The following OPCML variants were observed in gnomAD, a reference collection of about 807,000 sequenced individuals.
OPCML encodes the protein opioid-binding protein/cell adhesion molecule.
Under a neutral mutation model 37.8 loss-of-function variants are expected in OPCML, and 13 were observed. The ratio of observed to expected loss-of-function variants is 0.34; its 90% CI spans 0.22 to 0.55. OPCML has a LOEUF of 0.55. Ranked by LOEUF, OPCML falls within the 20% of genes least tolerant of loss-of-function variation. The pLI, the probability that OPCML is intolerant of heterozygous loss-of-function variation, is 0.91. For synonymous variants in OPCML, 176 were observed against 168.8 expected (o/e 1.04, Z -0.33); for missense variants, 341 against 435.6 (o/e 0.78, Z 1.93).
At chr11:133,331,101 G>A (rs538751048) in intron 1 of OPCML, among the ~76,000 whole-genome samples, 1 of 152,290 alleles carries the variant, frequency 6.6e-6, no homozygotes, top group Non-Finnish European at 1.5e-5. Flanking sequence ...AAGGGATTTG[G>A]TCACTCATGA....
chr11:133,282,304 C>A (rs190443317), intron 1 of OPCML, among the ~76,000 whole-genome samples: 18 of 152,332 alleles, frequency 1.2e-4, no homozygotes, highest in South Asian at 4.1e-4. Flanking sequence ...CTCCCCACAT[C>A]CTGGCTGCTC....
intron 2 of OPCML, among the ~76,000 whole-genome samples, chr11:132,758,988 T>A (rs187572481): frequency 4.0e-4 from 61 of 152,278 alleles, no homozygotes; most frequent in African/African-American, 1.5e-3. Flanking sequence ...AATACCTAGT[T>A]TATTGAGTGT....
chr11:133,410,157 A>C (rs1379089417), intron 1 of OPCML, among the ~76,000 whole-genome samples: 1 of 152,216 alleles, frequency 6.6e-6, no homozygotes, highest in Non-Finnish European at 1.5e-5. Flanking sequence ...ACACTGGAGC[A>C]CTGGTTATAT....
intron 1 of OPCML, among the ~76,000 whole-genome samples, chr11:133,202,519 C>A (rs955959597): frequency 2.6e-5 from 4 of 152,186 alleles, no homozygotes; most frequent in African/African-American, 9.7e-5. Context: ...CCCAGTAGAC[C>A]ACTCCACAGC....
intron 1 of OPCML, chr11:133,365,683 G>C (rs1481617754): frequency 6.6e-6 from 1 of 152,218 alleles, no homozygotes; most frequent in Non-Finnish European, 1.5e-5. Flanking sequence ...CATTAGTGTT[G>C]AGATATTCAA....
intron 3 of OPCML, among the ~76,000 whole-genome samples, chr11:132,578,964 C>G (rs2096456644): frequency 6.6e-6 from 1 of 151,970 alleles, no homozygotes; most frequent in Admixed American, 6.6e-5. Flanking sequence ...CTGCCCCTTT[C>G]CCGCTATATT....
intron 1 of OPCML, chr11:133,007,973 G>A (rs1466121133): frequency 2.0e-6 from 2 of 985,334 alleles, no homozygotes; most frequent in East Asian, 1.1e-4. Flanking sequence ...ATTCCATGAG[G>A]ACAGGCACAT....
intron 1 of OPCML, among the ~76,000 whole-genome samples, chr11:133,239,780 C>T (rs1373344286): frequency 6.6e-6 from 1 of 152,102 alleles, no homozygotes; most frequent in Admixed American, 6.5e-5. Context: ...CTGGAGATGC[C>T]AGAGAAAGCG....
At chr11:132,808,150 AAC>A (rs1368879739) in intron 2 of OPCML, among the ~76,000 whole-genome samples, 1 of 152,210 alleles carries the variant, frequency 6.6e-6, no homozygotes, top group East Asian at 1.9e-4. Flanking sequence ...ATGGGAACCA[AAC>A]ACAGTTCTCT....
intron 1 of OPCML, among the ~76,000 whole-genome samples, chr11:133,338,051 C>T (rs989822888): frequency 6.6e-6 from 1 of 152,016 alleles, no homozygotes; most frequent in Non-Finnish European, 1.5e-5. Flanking sequence ...CTGACTCATC[C>T]GTTATGGGGG....
intron 1 of OPCML, among the ~76,000 whole-genome samples, chr11:133,417,853 T>A (rs569037227): frequency 1.3e-5 from 2 of 152,294 alleles, no homozygotes; most frequent in South Asian, 4.1e-4. Context: ...AAAGTGGTAA[T>A]TGAGGTCCAG....
At chr11:133,274,865 G>T (rs1258491442) in intron 1 of OPCML, among the ~76,000 whole-genome samples, 1 of 152,142 alleles carries the variant, frequency 6.6e-6, no homozygotes, top group Non-Finnish European at 1.5e-5. Flanking sequence ...AGAGATAAAC[G>T]CAAAGTACAG....
At chr11:132,961,443 T>G (rs1192846690) in intron 1 of OPCML, among the ~76,000 whole-genome samples, 1 of 152,158 alleles carries the variant, frequency 6.6e-6, no homozygotes, top group Non-Finnish European at 1.5e-5. Flanking sequence ...ATAGCTTCAA[T>G]GATGGGGAGG....
intron 2 of OPCML, among the ~76,000 whole-genome samples, chr11:132,833,954 A>C (rs1940860867): frequency 6.6e-6 from 1 of 152,224 alleles, no homozygotes. Context: ...TCTGGCACAA[A>C]AAGTATTAAT....
chr11:133,048,762 T>C (rs1041753372), intron 1 of OPCML, among the ~76,000 whole-genome samples: 20 of 152,326 alleles, frequency 1.3e-4, no homozygotes, highest in Middle Eastern at 3.4e-3. Flanking sequence ...TCTTTCAAGA[T>C]TGAGGTCTGG....
chr11:132,564,294 T>C (rs2096417323), intron 3 of OPCML, among the ~76,000 whole-genome samples: 1 of 152,204 alleles, frequency 6.6e-6, no homozygotes, highest in African/African-American at 2.4e-5. Flanking sequence ...CCTGCTGAGG[T>C]GGCACTTGAC....
At position 132,522,585 on chromosome 11, in the gene OPCML, T is replaced by C. The variant is rs190644234; in HGVS notation, c.505+6476A>G. 2.2e-3 allele frequency among the ~76,000 whole-genome samples: 333 copies of C among 152,368 alleles called. 1 individual carries two copies. The highest frequency in any genetic ancestry group is 3.9e-3 in the Non-Finnish European group (264 of 68,038). ...TAACTGTTGAGTTAGGATTCAACAC[T>C]ATTACCTGCTTTCCATTCATTCTCT... On this transcript the variant is annotated intron_variant, in intron 4 of 7. Transcript: ENST00000524381.
intron 1 of OPCML, chr11:133,024,441 G>C (rs1265146024): frequency 7.1e-6 from 7 of 984,476 alleles, no homozygotes; most frequent in Non-Finnish European, 8.4e-6. Flanking sequence ...AGCACACACA[G>C]GAAGAAGAGA....
chr11:133,325,846 T>A (rs1943436410), intron 1 of OPCML, among the ~76,000 whole-genome samples: 1 of 152,180 alleles, frequency 6.6e-6, no homozygotes, highest in East Asian at 1.9e-4. Context: ...GTCCCTTCTT[T>A]CCTGCAATGC....
Sources: allele counts gnomAD v4.1 joint callset (sites outside exome capture counted in the v4.1 genomes callset), GRCh38; gene constraint gnomAD v4.1.1; transcripts MANE v1.5; gene names NCBI Gene and HGNC (gene_info 2026-07-23, HGNC 2026-07-21).